Variants in FBXW11 observed in about 807,000 individuals in gnomAD.
FBXW11 encodes the protein F-box and WD repeat domain containing 11, also known as F-box/WD repeat-containing protein 11.
A neutral mutation model predicts 77.6 loss-of-function variants in FBXW11; 19 were observed. That is an observed-to-expected ratio of 0.24 (90% CI 0.17 to 0.36). The LOEUF is 0.36. FBXW11 is among the 10% of genes least tolerant of loss of function. The pLI is 1.00. For synonymous variants in FBXW11, 235 were observed against 249.4 expected (o/e 0.94, Z 0.54); for missense variants, 334 against 704.2 (o/e 0.47, Z 5.95).
At chr5:171,938,988 C>A (rs905189100) in intron 2 of FBXW11, among the ~76,000 whole-genome samples, 1 of 152,122 alleles carries the variant, frequency 6.6e-6, no homozygotes, top group Non-Finnish European at 1.5e-5. Flanking sequence ...GTAATCCCAG[C>A]ACTTTGGGAA....
chr5:171,925,551 G>A (rs1195720292), intron 2 of FBXW11, among the ~76,000 whole-genome samples: 2 of 152,190 alleles, frequency 1.3e-5, no homozygotes, highest in Non-Finnish European at 2.9e-5. Flanking sequence ...CATGATCATG[G>A]TTCACTACAG....
At chr5:171,874,896 T>C (rs188253174) in intron 9 of FBXW11, among the ~76,000 whole-genome samples, 19 of 151,478 alleles carry the variant, frequency 1.3e-4, no homozygotes, top group African/African-American at 4.4e-4. Context: ...AAGCGAACCA[T>C]GACTGTGTTA....
intron 2 of FBXW11, among the ~76,000 whole-genome samples, chr5:171,933,210 CA>C (rs1160236650): frequency 1.4e-5 from 2 of 147,698 alleles, no homozygotes; most frequent in Admixed American, 1.4e-4. Context: ...ATCAAGTCAT[CA>C]AAAAACCTGG....
chr5:171,961,649 AT>A (rs140027847), intron 1 of FBXW11, among the ~76,000 whole-genome samples: 4 of 150,392 alleles, frequency 2.7e-5, no homozygotes, highest in Admixed American at 6.6e-5. Context: ...ACAGTAATTG[AT>A]TTTTTTTTTC....
At chr5:171,902,915 T>A (rs1222347057) in intron 4 of FBXW11, among the ~76,000 whole-genome samples, 4 of 152,200 alleles carry the variant, frequency 2.6e-5, no homozygotes, top group African/African-American at 9.6e-5. Flanking sequence ...GATGGTGGGA[T>A]TAGGTTAATG....
chr5:171,887,857 C>T (rs962466712), intron 7 of FBXW11, among the ~76,000 whole-genome samples: 52 of 152,090 alleles, frequency 3.4e-4, no homozygotes, highest in African/African-American at 1.2e-3. Context: ...CAGGGTTTCA[C>T]CATGTTGGCC....
rs542413700 is a variant in FBXW11 at position 171,920,773 on chromosome 5, T to C, written c.148-6368A>G. ...CATATAGTGTGTTTTTTTAATATGA[T>C]AAACAGATTAGCAAAAGTAACTTTC... On this transcript the variant is annotated intron_variant, in intron 2 of 13. Coordinates refer to ENST00000517395, the MANE Select transcript of FBXW11 (RefSeq NM_001378974.1). 7.3e-4 allele frequency among the ~76,000 whole-genome samples: 111 copies of C among 152,286 alleles called. 1 individual carries two copies. The highest frequency in any genetic ancestry group is 2.6e-3 in the African/African-American group (110 of 41,560).
Position 171,876,382 on chromosome 5 carries a change from G to A in FBXW11, c.1124C>T (p.Thr375Ile), listed in dbSNP as rs1167097048. 3.7e-6 allele frequency: 6 copies of A among 1,614,160 alleles called. No homozygotes were observed. The highest frequency in any genetic ancestry group is 1.7e-4 in the Middle Eastern group (1 of 6,060). Residue 375 changes from threonine to isoleucine, a missense_variant, in exon 9 of 14, where the codon ACT (threonine) becomes ATT (isoleucine). By Grantham distance (89) the Thr-to-Ile change is moderately conservative. Coordinates refer to ENST00000517395, the MANE Select transcript of FBXW11 (RefSeq NM_001378974.1). This position sits in a 1 kb window ranked among gnomAD's most constrained non-coding sequence, Gnocchi z 4.2. ...VWDMASATDI[T>I]LRRVLVGHRA... ...GTGGCCAACCAGGACACGGCGTAAA[G>A]TGATGTCGGTCGCAGAAGCCATGTC...
chr5:171,977,490 C>A, intron 1 of FBXW11: 1 of 373,854 alleles, frequency 2.7e-6, no homozygotes, highest in Admixed American at 3.1e-5. Flanking sequence ...TGATCCTCGC[C>A]CCCATGGAGA....
chr5:171,895,991 A>G (rs968928069), intron 6 of FBXW11, among the ~76,000 whole-genome samples: 14 of 152,146 alleles, frequency 9.2e-5, no homozygotes, highest in African/African-American at 3.4e-4. Context: ...AAAGCTTACA[A>G]TACTTATTTA....
intron 7 of FBXW11, among the ~76,000 whole-genome samples, chr5:171,889,192 T>C (rs572970193): frequency 6.6e-6 from 1 of 152,186 alleles, no homozygotes; most frequent in Non-Finnish European, 1.5e-5. Context: ...ATCGAAAGCA[T>C]GATCCATAAA....
intron 1 of FBXW11, among the ~76,000 whole-genome samples, chr5:171,973,991 T>C (rs1340549187): frequency 6.6e-6 from 1 of 152,174 alleles, no homozygotes; most frequent in Non-Finnish European, 1.5e-5. Flanking sequence ...GTACTTATCT[T>C]TTACAGAAAT....
chr5:171,928,485 A>G (rs142171888), intron 2 of FBXW11, among the ~76,000 whole-genome samples: 171 of 152,358 alleles, frequency 1.1e-3, no homozygotes, highest in African/African-American at 4.0e-3. Flanking sequence ...ATCAGCTTTG[A>G]AAAGCTGGTT....
chr5:172,001,264 T>C (rs1273750086), intron 1 of FBXW11, among the ~76,000 whole-genome samples: 1 of 152,230 alleles, frequency 6.6e-6, no homozygotes, highest in Non-Finnish European at 1.5e-5. Flanking sequence ...ACACAGCCTC[T>C]AGAAGAAGAG....
chr5:171,943,728 C>T (rs1762863036), intron 2 of FBXW11, among the ~76,000 whole-genome samples: 1 of 152,168 alleles, frequency 6.6e-6, no homozygotes, highest in Non-Finnish European at 1.5e-5. Flanking sequence ...CGATAACAGG[C>T]GTGAGCCACC....
At chr5:171,878,893 C>G (rs181417226) in intron 7 of FBXW11, among the ~76,000 whole-genome samples, 1 of 151,958 alleles carries the variant, frequency 6.6e-6, no homozygotes, top group African/African-American at 2.4e-5. Flanking sequence ...CAAATGCATA[C>G]CCCTACGTTT....
intron 4 of FBXW11, 82 bp from the exon 5 acceptor site, chr5:171,900,182 T>A (rs1156753771): frequency 1.6e-6 from 2 of 1,236,554 alleles, no homozygotes; most frequent in African/African-American, 1.5e-5. Flanking sequence ...ATAAGAGGAA[T>A]AAAGAAATCC....
intron 2 of FBXW11, among the ~76,000 whole-genome samples, chr5:171,931,197 AAAAATAAATAATTC>A (rs1214063106): frequency 6.6e-6 from 1 of 152,246 alleles, no homozygotes; most frequent in Non-Finnish European, 1.5e-5. Context: ...AGAGGCTAAA[AAAAATAAATAATTC>A]AAAATAAATA....
At chr5:171,996,108 A>C (rs909784273) in intron 1 of FBXW11, among the ~76,000 whole-genome samples, 2 of 152,206 alleles carry the variant, frequency 1.3e-5, no homozygotes, top group African/African-American at 4.8e-5. Context: ...ACTGGCATGT[A>C]GCACTCGCTC....
Sources: gnomAD v4.1 joint callset for allele counts (sites outside exome capture counted in the v4.1 genomes callset) on GRCh38, gnomAD v4.1.1 for gene constraint, Gnocchi (gnomAD v3.1) non-coding constraint, MANE v1.5 for transcripts, NCBI Gene and HGNC (gene_info 2026-07-23, HGNC 2026-07-21) for gene names.